Variants in PXDNL observed in about 807,000 individuals in gnomAD.
PXDNL encodes the protein probable oxidoreductase PXDNL.
PXDNL carries 145 observed loss-of-function variants against 150.8 expected under a neutral mutation model. The observed-to-expected ratio is 0.96, with a 90% CI of 0.84 to 1.10. PXDNL has a LOEUF of 1.10. Among genes scored for constraint, PXDNL ranks in the 50% least tolerant of loss-of-function variants. The pLI is 0.00. For synonymous variants in PXDNL, 757 were observed against 725.7 expected (o/e 1.04, Z -0.69); for missense variants, 2,087 against 1,873.9 (o/e 1.11, Z -2.10).
chr8:51,478,162 T>G (rs1023103669), intron 6 of PXDNL, among the ~76,000 whole-genome samples: 1 of 152,080 alleles, frequency 6.6e-6, no homozygotes, highest in Non-Finnish European at 1.5e-5. Context: ...CAAGGAGCAA[T>G]AGAGTCAATC....
At chr8:51,370,922 G>T (rs917888441) in intron 19 of PXDNL, among the ~76,000 whole-genome samples, 1 of 152,142 alleles carries the variant, frequency 6.6e-6, no homozygotes, top group Non-Finnish European at 1.5e-5. Context: ...TTCTAGCAGT[G>T]GCTTTCAATT....
chr8:51,425,681 C>T (rs934602844), intron 13 of PXDNL, among the ~76,000 whole-genome samples: 33 of 151,912 alleles, frequency 2.2e-4, no homozygotes, highest in African/African-American at 6.3e-4. Context: ...CTTAGTCGGG[C>T]GTGGTGGCGG....
At position 51,481,345 on chromosome 8, in the gene PXDNL, A is replaced by G. The variant is rs1810599644; in HGVS notation, c.524+2298T>C. On this transcript the variant is annotated intron_variant, in intron 6 of 22. Coordinates refer to ENST00000356297, the MANE Select transcript of PXDNL (RefSeq NM_144651.5). ...CTGTGGAAATTTGAACTTCAGAGAG[A>G]TGATTTCAGGTATCTGGTAGAAGAA... is the stretch of plus-strand genomic sequence containing the variant. Among the ~76,000 whole-genome samples the G allele has an allele frequency of 1.3e-5, 2 of 152,184 alleles. 1 individual carries two copies. The highest frequency in any genetic ancestry group is 4.1e-4 in the South Asian group (2 of 4,828).
chr8:51,705,758 C>T (rs1816362176), intron 1 of PXDNL, among the ~76,000 whole-genome samples: 1 of 152,168 alleles, frequency 6.6e-6, no homozygotes, highest in Non-Finnish European at 1.5e-5. Flanking sequence ...CATTCAGCTT[C>T]TGGCAAAGAC....
chr8:51,593,215 T>C (rs889019864), intron 2 of PXDNL, among the ~76,000 whole-genome samples: 8 of 152,098 alleles, frequency 5.3e-5, no homozygotes, highest in Non-Finnish European at 8.8e-5. Context: ...CCAAAAACGA[T>C]TTCTAAAAAA....
chr8:51,767,897 A>G (rs139957940), intron 1 of PXDNL, among the ~76,000 whole-genome samples: 1 of 152,346 alleles, frequency 6.6e-6, no homozygotes, highest in Non-Finnish European at 1.5e-5. Flanking sequence ...ATTATGAGTC[A>G]AGTCAAGTCA....
At chr8:51,533,616 G>GC (rs1189882085) in intron 4 of PXDNL, among the ~76,000 whole-genome samples, 3 of 149,694 alleles carry the variant, frequency 2.0e-5, no homozygotes, top group African/African-American at 7.5e-5. Context: ...GCCTCAGCCT[G>GC]CCGAGTGCCT....
chr8:51,759,677 T>G (rs554016293), intron 1 of PXDNL, among the ~76,000 whole-genome samples: 4 of 152,168 alleles, frequency 2.6e-5, no homozygotes, highest in Non-Finnish European at 5.9e-5. Flanking sequence ...TGCAAGAAAC[T>G]AAATAGCAAT....
At chr8:51,651,937 C>T (rs1190367090) in intron 2 of PXDNL, among the ~76,000 whole-genome samples, 1 of 152,188 alleles carries the variant, frequency 6.6e-6, no homozygotes, top group African/African-American at 2.4e-5. Flanking sequence ...AGCTCTTAGG[C>T]TCCAGCAATA....
At chr8:51,795,588 T>C in intron 1 of PXDNL, among the ~76,000 whole-genome samples, 1 of 152,144 alleles carries the variant, frequency 6.6e-6, no homozygotes, top group East Asian at 1.9e-4. Context: ...AAGAAGTTCT[T>C]TAAAGCCAAT....
intron 1 of PXDNL, among the ~76,000 whole-genome samples, chr8:51,656,547 A>G: frequency 6.6e-6 from 1 of 152,192 alleles, no homozygotes; most frequent in Non-Finnish European, 1.5e-5. Flanking sequence ...AGTTATAGAA[A>G]GGGCTCTCCT....
chr8:51,780,985 A>T (rs2037409749), intron 1 of PXDNL, among the ~76,000 whole-genome samples: 1 of 151,940 alleles, frequency 6.6e-6, no homozygotes, highest in African/African-American at 2.4e-5. Context: ...ATAGAACACC[A>T]ACCCCATTCA....
At chr8:51,750,157 A>T (rs4425746) in intron 1 of PXDNL, among the ~76,000 whole-genome samples, 122,916 of 152,022 alleles carry the variant, frequency 0.81, 49,782 homozygotes, top group East Asian at 0.88. Context: ...GTACAAAAAA[A>T]TTTTTATATC....
rs574468111 is a variant in PXDNL, at chr8:51,674,142, G to T, written c.165-19382C>A. 1.1e-3 allele frequency among the ~76,000 whole-genome samples: 173 copies of T among 152,084 alleles called. 2 individuals are homozygous for T. Among genetic ancestry groups the T allele is most frequent in the Admixed American group, 0.011 (171 of 15,296 alleles). On this transcript the variant is annotated intron_variant, in intron 1 of 22. Transcript: ENST00000356297. ...CATACATTTTTCTTCTATTTCCTAT[G>T]TACTAGGAACAGGATTTAAGTCATT...
intron 21 of PXDNL, among the ~76,000 whole-genome samples, chr8:51,338,983 CA>C (rs1474650308): frequency 6.6e-6 from 1 of 152,164 alleles, no homozygotes; most frequent in Non-Finnish European, 1.5e-5. Flanking sequence ...GGAGATGAAG[CA>C]GGCATCAAGT....
In PXDNL at chr8:51,737,763, C is replaced by G. The variant is rs1281510457; in HGVS notation, c.164+71418G>C. 2.6e-5 allele frequency among the ~76,000 whole-genome samples: 4 copies of G among 152,166 alleles called. No individual in the cohort carries two copies. The East Asian group carries it at 7.8e-4, about 30-fold the overall frequency. On this transcript the variant is annotated intron_variant, in intron 1 of 22. Transcript: ENST00000356297. Reference sequence around the variant, plus strand: ...TGCAAAGTTCACTGTCAGACCCCCCCCACCACTCCTTTCTGCCCATCTCTT... The same window carrying G: ...TGCAAAGTTCACTGTCAGACCCCCCGCACCACTCCTTTCTGCCCATCTCTT...
chr8:51,636,257 T>A (rs115824003), intron 2 of PXDNL, among the ~76,000 whole-genome samples: 2 of 152,106 alleles, frequency 1.3e-5, no homozygotes. Context: ...TACTTAATGG[T>A]GAAAGAAACC....
intron 17 of PXDNL, among the ~76,000 whole-genome samples, chr8:51,404,057 C>T (rs749440296): frequency 6.6e-6 from 1 of 152,186 alleles, no homozygotes. Flanking sequence ...ACTAGATCCT[C>T]CTGTCTGGGC....
intron 8 of PXDNL, among the ~76,000 whole-genome samples, chr8:51,469,182 G>T (rs10096597): frequency 0.21 from 31,257 of 151,796 alleles, 4,335 homozygotes; most frequent in African/African-American, 0.39. Context: ...TTTCATTGTC[G>T]TCTGTCTGAT....
Sources: allele counts gnomAD v4.1 joint callset (sites outside exome capture counted in the v4.1 genomes callset), GRCh38; gene constraint gnomAD v4.1.1; transcripts MANE v1.5; gene names NCBI Gene and HGNC (gene_info 2026-07-23, HGNC 2026-07-21).